KANK1: variants seen among roughly 807,000 people sequenced by gnomAD.
KANK1 encodes KN motif and ankyrin repeat domain-containing protein 1.
Under a neutral mutation model 106.2 loss-of-function variants are expected in KANK1, and 109 were observed. The ratio of observed to expected loss-of-function variants is 1.03; its 90% CI spans 0.88 to 1.20. KANK1 has a LOEUF of 1.20. Among genes scored for constraint, KANK1 ranks in the 50% most tolerant of loss-of-function variants. The pLI is 0.00. For synonymous variants in KANK1, 873 were observed against 652.2 expected, an observed-to-expected ratio of 1.34 and a Z score of -5.16; for missense variants, 2,399 against 1,710.7, an observed-to-expected ratio of 1.40 and a Z score of -7.10.
At chr9:528,467 A>C (rs2059905014) in intron 1 of KANK1, among the ~76,000 whole-genome samples, 1 of 125,668 alleles carries the variant, frequency 8.0e-6, no homozygotes, top group African/African-American at 3.0e-5. Context: ...ATTAAAAAAT[A>C]ACTTTTTTTT....
chr9:711,792 C>G lies in KANK1; in HGVS notation c.1026C>G (p.Gly342=). 6.2e-7 allele frequency: 1 copy of G among 1,614,048 alleles called. No homozygotes were observed. Among genetic ancestry groups the G allele is most frequent in the South Asian group, 1.1e-5 (1 of 91,068 alleles). ...LEQLSRARRS[G]GELYIDYEEE... is the part of the protein sequence containing the mutation. ...AGCTCTCCCGGGCCCGAAGAAGTGG[C>G]GGGGAATTATACATTGACTATGAGG... The change falls in exon 3 of 12, where the codon GGC becomes GGG. Residue 342 remains glycine (G), a synonymous_variant. Coordinates refer to ENST00000382297, the MANE Select transcript of KANK1 (RefSeq NM_015158.5).
intron 2 of KANK1, among the ~76,000 whole-genome samples, chr9:692,796 C>A (rs1018404039): frequency 1.3e-5 from 2 of 152,016 alleles, no homozygotes; most frequent in Non-Finnish European, 2.9e-5. Flanking sequence ...TGGAGGACTT[C>A]TTGAGCTCAG....
chr9:597,473 C>A (rs948045119), intron 1 of KANK1, among the ~76,000 whole-genome samples: 1 of 151,590 alleles, frequency 6.6e-6, no homozygotes, highest in African/African-American at 2.4e-5. Context: ...TGGTATTTAT[C>A]TTTCCATGTA....
chr9:628,655 A>T (rs569436200), intron 1 of KANK1, among the ~76,000 whole-genome samples: 1 of 152,214 alleles, frequency 6.6e-6, no homozygotes, highest in African/African-American at 2.4e-5. Context: ...TCTTCAGGGG[A>T]GATTCCTCCC....
chr9:687,064 T>G (rs1453523474), intron 2 of KANK1: 1 of 368,224 alleles, frequency 2.7e-6, no homozygotes, highest in Non-Finnish European at 3.7e-6. Context: ...GCATTTCAAT[T>G]GGGGTGTTGT....
At chr9:702,821 A>T (rs1038853569) in intron 2 of KANK1, among the ~76,000 whole-genome samples, 1 of 152,044 alleles carries the variant, frequency 6.6e-6, no homozygotes, top group African/African-American at 2.4e-5. Context: ...TAACCTTGGC[A>T]TTCCTTCAGC....
At chr9:661,992 T>C (rs572454867) in intron 1 of KANK1, among the ~76,000 whole-genome samples, 1 of 152,332 alleles carries the variant, frequency 6.6e-6, no homozygotes, top group South Asian at 2.1e-4. Flanking sequence ...TTCTTGTAAA[T>C]TTGTTTAAGT....
chr9:687,291 A>G (rs1282867623), intron 2 of KANK1, among the ~76,000 whole-genome samples: 1 of 152,148 alleles, frequency 6.6e-6, no homozygotes, highest in Admixed American at 6.5e-5. Context: ...TTGTGTATGT[A>G]AGGATGGCTG....
At chr9:498,352 T>C (rs1344038483) in intron 3 of KANK1, among the ~76,000 whole-genome samples, 1 of 152,176 alleles carries the variant, frequency 6.6e-6, no homozygotes, top group African/African-American at 2.4e-5. Flanking sequence ...CGCGTGGTCA[T>C]GTTCAGTATT....
chr9:555,634 A>G (rs1418373578), intron 1 of KANK1, among the ~76,000 whole-genome samples: 3 of 152,198 alleles, frequency 2.0e-5, no homozygotes, highest in African/African-American at 4.8e-5. Flanking sequence ...AAAGCGTAAG[A>G]TTCCCATTTG....
intron 2 of KANK1, chr9:693,904 C>A: frequency 1.2e-6 from 1 of 810,624 alleles, no homozygotes; most frequent in Non-Finnish European, 1.5e-6. Context: ...TTACTTCAAG[C>A]TAGAAAGAAT....
intron 1 of KANK1, among the ~76,000 whole-genome samples, chr9:572,001 T>C (rs1037642628): frequency 2.6e-5 from 4 of 152,116 alleles, no homozygotes; most frequent in Non-Finnish European, 4.4e-5. Context: ...GTTGGGCATC[T>C]TTTTCTGCCG....
intron 2 of KANK1, chr9:471,546 G>T (rs953451923): frequency 1.3e-5 from 2 of 152,202 alleles, no homozygotes; most frequent in African/African-American, 4.8e-5. Context: ...ATAAGATAAA[G>T]TCACAATTTC....
intron 2 of KANK1, among the ~76,000 whole-genome samples, chr9:691,611 A>ATTTTTTTTTTTTTTTT (rs767618077): frequency 1.7e-4 from 12 of 71,070 alleles, no homozygotes; most frequent in African/African-American, 5.6e-4. Context: ...TAATACCAGA[A>ATTTTTTTTTTTTTTTT]TTTTTTTTTT....
chr9:537,507 TG>T (rs201280125), intron 1 of KANK1, among the ~76,000 whole-genome samples: 6 of 152,262 alleles, frequency 3.9e-5, no homozygotes, highest in South Asian at 4.2e-4. Context: ...ACAAGTAATT[TG>T]GGGGGGCTCT....
chr9:567,161 G>A (rs1157673774), intron 1 of KANK1, among the ~76,000 whole-genome samples: 5 of 152,064 alleles, frequency 3.3e-5, no homozygotes, highest in African/African-American at 7.2e-5. Flanking sequence ...GTAGGTATGC[G>A]GCCTTATTTC....
chr9:592,788 TATTA>T (rs1204505717), intron 1 of KANK1, among the ~76,000 whole-genome samples: 1 of 151,948 alleles, frequency 6.6e-6, no homozygotes, highest in Non-Finnish European at 1.5e-5. Flanking sequence ...AGTTCTTGTT[TATTA>T]GAGAGTCCTT....
intron 1 of KANK1, among the ~76,000 whole-genome samples, chr9:620,727 C>A (rs1588317045): frequency 6.6e-6 from 1 of 152,038 alleles, no homozygotes; most frequent in East Asian, 1.9e-4. Flanking sequence ...TAAAAACCAA[C>A]TTTTTAAATT....
chr9:500,845 A>G (rs755476159), upstream of KANK1, among the ~76,000 whole-genome samples: 11 of 152,192 alleles, frequency 7.2e-5, no homozygotes, highest in Non-Finnish European at 1.3e-4. Context: ...CCCTCACAAA[A>G]TCTGAAAATT....
Sources: allele counts gnomAD v4.1 joint callset (sites outside exome capture counted in the v4.1 genomes callset), GRCh38; gene constraint gnomAD v4.1.1; transcripts MANE v1.5; gene names NCBI Gene and HGNC (gene_info 2026-07-23, HGNC 2026-07-21).